PTPRZ1: variants seen among roughly 807,000 people sequenced by gnomAD.
PTPRZ1 encodes receptor-type tyrosine-protein phosphatase zeta.
Under a neutral mutation model 214.1 loss-of-function variants are expected in PTPRZ1, and 82 were observed. That is an observed-to-expected ratio of 0.38 (90% CI 0.32 to 0.46). The LOEUF (loss-of-function observed/expected upper bound fraction) is 0.46. PTPRZ1 is among the 20% of genes least tolerant of loss of function. The probability of loss-of-function intolerance (pLI) is 1.00; values close to 1 mark genes in which losing one functional copy is unlikely to be tolerated. For missense variants in PTPRZ1, 2,603 were observed against 2,748.7 expected (o/e 0.95, Z 1.19); for synonymous variants, 945 against 987.9 (o/e 0.96, Z 0.81).
chr7:121,930,014 CTTTAA>C (rs1449189564), intron 2 of PTPRZ1, among the ~76,000 whole-genome samples: 1 of 150,556 alleles, frequency 6.6e-6, no homozygotes. Flanking sequence ...TGTTTTGTTA[CTTTAA>C]TTTGCTTTTT....
chr7:121,971,434 A>T (rs752124832), intron 3 of PTPRZ1, among the ~76,000 whole-genome samples: 2 of 152,066 alleles, frequency 1.3e-5, no homozygotes, highest in African/African-American at 2.4e-5. Flanking sequence ...GGCTATTTTT[A>T]TGGGGAGTGT....
intron 1 of PTPRZ1, among the ~76,000 whole-genome samples, chr7:121,876,253 C>T (rs866384375): frequency 5.9e-5 from 9 of 152,280 alleles, no homozygotes; most frequent in East Asian, 3.9e-4. Flanking sequence ...GGAAAAACTA[C>T]AGTGGCTTTC....
intron 1 of PTPRZ1, among the ~76,000 whole-genome samples, chr7:121,884,832 C>A (rs147787531): frequency 6.6e-6 from 1 of 152,278 alleles, no homozygotes; most frequent in Non-Finnish European, 1.5e-5. Context: ...AAATTCAGAA[C>A]AAGGAAACAC....
intron 23 of PTPRZ1, among the ~76,000 whole-genome samples, chr7:122,047,873 C>T (rs189871667): frequency 6.2e-4 from 95 of 152,100 alleles, no homozygotes; most frequent in Admixed American, 9.2e-4. Context: ...CAGATGGTTT[C>T]GAACTCCTGA....
chr7:122,042,007 A>T (rs2150479859), intron 21 of PTPRZ1, among the ~76,000 whole-genome samples: 1 of 152,334 alleles, frequency 6.6e-6, no homozygotes, highest in South Asian at 2.1e-4. Flanking sequence ...TTTGAAAAGA[A>T]TCCCTGTCCG....
Position 122,054,938 on chromosome 7 carries a change from C to A in PTPRZ1, c.6382-3C>A, listed in dbSNP as rs1792303392. 1 of 1,580,766 alleles carries A rather than the reference C, an allele frequency of 6.3e-7. No homozygotes were observed. Among genetic ancestry groups the A allele is most frequent in the East Asian group, 2.3e-5 (1 of 43,270 alleles). On this transcript the variant is annotated splice_polypyrimidine_tract_variant and splice_region_variant and intron_variant, in intron 26 of 29. Coordinates refer to ENST00000393386, the MANE Select transcript of PTPRZ1 (RefSeq NM_002851.3). ...GACTCTTCTTTCATTTGCAATTCTG[C>A]AGGCAGAAGATGAATTTGTTTACTG...
chr7:121,968,101 A>T lies in PTPRZ1; in HGVS notation c.275A>T (p.Asn92Ile). The T allele has an allele frequency of 1.2e-6, 2 of 1,604,206 alleles. No homozygotes were observed. The highest frequency in any genetic ancestry group is 1.7e-6 in the Non-Finnish European group (2 of 1,176,728). ...FQGWDKTSLE[N>I]TFIHNTGKTV... ...GGTTGGGATAAAACATCATTGGAAA[A>T]CACATTCATTCATAACACTGGGAAA... The change falls in exon 3 of 30, where the codon AAC becomes ATC. Residue 92 changes from asparagine to isoleucine, a missense_variant. Transcript: ENST00000393386.
At chr7:122,001,829 G>A (rs997347630) in intron 10 of PTPRZ1, among the ~76,000 whole-genome samples, 1 of 152,122 alleles carries the variant, frequency 6.6e-6, no homozygotes, top group Admixed American at 6.5e-5. Flanking sequence ...TGAATTCTAA[G>A]TGTTCACTCA....
At position 122,011,552 on chromosome 7, in the gene PTPRZ1, C is replaced by T; in HGVS notation, c.2506C>T (p.His836Tyr). The change falls in exon 12 of 30, where the codon CAT (histidine) becomes TAT (tyrosine). Residue 836 changes from histidine (H) to tyrosine (Y), a missense_variant. Transcript: ENST00000393386. ...CAGTAGTGAATTGTTTCGCCATCTG[C>T]ATACAGTTTCTCAAATCCTTCCACA... is the stretch of plus-strand genomic sequence containing the variant. ...SFSSELFRHL[H>Y]TVSQILPQVT... 1 of 1,614,140 alleles carries T rather than the reference C, an allele frequency of 6.2e-7. No individual in the cohort carries two copies. The highest frequency in any genetic ancestry group is 8.5e-7 in the Non-Finnish European group (1 of 1,180,010).
chr7:121,941,630 G>T (rs747533248), intron 2 of PTPRZ1, among the ~76,000 whole-genome samples: 2 of 152,162 alleles, frequency 1.3e-5, no homozygotes, highest in Non-Finnish European at 2.9e-5. Context: ...GAGCTTAAAT[G>T]TCTAAATTAA....
chr7:121,902,485 A>AATAAG (rs1794993407), intron 1 of PTPRZ1, among the ~76,000 whole-genome samples: 2 of 152,246 alleles, frequency 1.3e-5, no homozygotes, highest in South Asian at 4.1e-4. Flanking sequence ...ATTGACAGGG[A>AATAAG]ATAAGAGTTC....
At chr7:121,879,661 A>G (rs1401606372) in intron 1 of PTPRZ1, among the ~76,000 whole-genome samples, 1 of 152,226 alleles carries the variant, frequency 6.6e-6, no homozygotes, top group Non-Finnish European at 1.5e-5. Flanking sequence ...TTCAAATGGA[A>G]TGGGACATGG....
intron 23 of PTPRZ1, among the ~76,000 whole-genome samples, chr7:122,047,381 T>A (rs1450206598): frequency 1.3e-5 from 2 of 152,146 alleles, no homozygotes. Flanking sequence ...TGTTTTAATA[T>A]GAGACATGAG....
intron 10 of PTPRZ1, among the ~76,000 whole-genome samples, chr7:122,003,626 C>A (rs149428217): frequency 6.6e-6 from 1 of 152,054 alleles, no homozygotes; most frequent in Admixed American, 6.6e-5. Context: ...TAGGATAGTG[C>A]AGAGCATAAA....
In PTPRZ1 at chr7:122,061,185, G is replaced by A. The variant is rs764791695; in HGVS notation, c.6913G>A (p.Gly2305Arg). The A allele has an allele frequency of 8.7e-6, 14 of 1,607,566 alleles. No individual in the cohort carries two copies. In the Middle Eastern group the frequency reaches 8.3e-4, roughly 95 times the overall value. The change falls in exon 30 of 30, where the codon GGA becomes AGA. Residue 2305 changes from glycine (G) to arginine (R), a missense_variant. Gly to Arg is a moderately radical substitution (Grantham distance 125). Around this residue, in one of 6 missense-constraint regions of PTPRZ1, gnomAD observed 165 missense variants for 151.4 expected, o/e 1.09. Transcript: ENST00000393386. The stretch of plus-strand genomic sequence containing the variant: ...CAGTAATGGTGCAGCATTGCCTGAT[G>A]GAAATATAGCTGAGAGCTTAGAGTC... Reference protein sequence around the residue: ...LDSNGAALPDGNIAESLESLV With the variant: ...LDSNGAALPDRNIAESLESLV
At chr7:122,054,912 A>G (rs781634665) in intron 26 of PTPRZ1, 29 bp from the exon 27 acceptor site, 1 of 1,561,352 alleles carries the variant, frequency 6.4e-7, no homozygotes, top group Non-Finnish European at 8.6e-7. Flanking sequence ...ATTAAAATCT[A>G]GACTCTTCTT....
intron 6 of PTPRZ1, among the ~76,000 whole-genome samples, chr7:121,981,771 G>A (rs948267172): frequency 1.3e-5 from 2 of 149,146 alleles, no homozygotes; most frequent in East Asian, 2.0e-4. Flanking sequence ...CATATTTATT[G>A]GTGTGTGTGT....
intron 23 of PTPRZ1, among the ~76,000 whole-genome samples, chr7:122,049,743 C>A (rs149342939): frequency 1.4e-3 from 218 of 152,152 alleles, no homozygotes; most frequent in Non-Finnish European, 2.7e-3. Flanking sequence ...CAGTATCAAT[C>A]GAATTTATGG....
intron 1 of PTPRZ1, among the ~76,000 whole-genome samples, chr7:121,923,467 A>C (rs954539000): frequency 6.6e-6 from 1 of 152,082 alleles, no homozygotes; most frequent in African/African-American, 2.4e-5. Flanking sequence ...ATTTCTCCCT[A>C]TTACAGTAAT....
Sources: gnomAD v4.1 joint callset for allele counts (sites outside exome capture counted in the v4.1 genomes callset) on GRCh38, gnomAD v4.1.1 for gene constraint, gnomAD v4.1.1 regional missense constraint, MANE v1.5 for transcripts, NCBI Gene and HGNC (gene_info 2026-07-23, HGNC 2026-07-21) for gene names.